Variants in VAV1 observed in about 807,000 individuals in gnomAD.
The protein encoded by VAV1 is vav guanine nucleotide exchange factor 1.
VAV1 carries 33 observed loss-of-function variants against 128.1 expected under a neutral mutation model. The ratio of observed to expected loss-of-function variants is 0.26; its 90% CI spans 0.20 to 0.34. The LOEUF is 0.34. Among genes scored for constraint, VAV1 ranks in the 10% least tolerant of loss-of-function variants. VAV1 has a pLI of 1.00. For missense variants in VAV1, 715 were observed against 1,093.7 expected (o/e 0.65, Z 4.88); for synonymous variants, 394 against 409.8 (o/e 0.96, Z 0.47).
intron 1 of VAV1, among the ~76,000 whole-genome samples, chr19:6,799,678 C>A (rs1447500476): frequency 6.6e-6 from 1 of 151,654 alleles, no homozygotes; most frequent in Non-Finnish European, 1.5e-5. Context: ...GCACTTTTGG[C>A]TATCATGAAT....
intron 2 of VAV1, among the ~76,000 whole-genome samples, 154 bp from the exon 3 acceptor site, chr19:6,821,468 C>T (rs1465030746): frequency 2.0e-5 from 3 of 152,012 alleles, no homozygotes; most frequent in Admixed American, 6.6e-5. Flanking sequence ...TTTGAGAGAA[C>T]GATGGTATGG....
intron 23 of VAV1, among the ~76,000 whole-genome samples, chr19:6,849,675 A>G (rs1972617818): frequency 6.6e-6 from 1 of 152,080 alleles, no homozygotes; most frequent in African/African-American, 2.4e-5. Flanking sequence ...ATAAGTGAGA[A>G]CATGTGGTGT....
chr19:6,800,792 T>TTTTTTTTTTG (rs1555699757), intron 1 of VAV1, among the ~76,000 whole-genome samples: 87 of 147,714 alleles, frequency 5.9e-4, no homozygotes, highest in African/African-American at 2.0e-3. Flanking sequence ...TGGCAAATTT[T>TTTTTTTTTTG]TGTGTGTGTG....
At chr19:6,810,592 C>T (rs1472421866) in intron 1 of VAV1, among the ~76,000 whole-genome samples, 1 of 152,050 alleles carries the variant, frequency 6.6e-6, no homozygotes, top group East Asian at 1.9e-4. Flanking sequence ...GTAATCGCAG[C>T]TACTCAGGAG....
At chr19:6,830,873 A>G (rs1350764164) in intron 14 of VAV1, among the ~76,000 whole-genome samples, 1 of 152,010 alleles carries the variant, frequency 6.6e-6, no homozygotes, top group Non-Finnish European at 1.5e-5. Flanking sequence ...GAATTGCTTG[A>G]GCCCAGGAGT....
chr19:6,838,324 TATC>T (rs1972278813), intron 21 of VAV1, among the ~76,000 whole-genome samples: 1 of 151,794 alleles, frequency 6.6e-6, no homozygotes, highest in South Asian at 2.1e-4. Flanking sequence ...TCTATCTATC[TATC>T]TATCTATATG....
At chr19:6,778,308 A>G (rs1205429150) in intron 1 of VAV1, among the ~76,000 whole-genome samples, 1 of 152,122 alleles carries the variant, frequency 6.6e-6, no homozygotes, top group Non-Finnish European at 1.5e-5. Flanking sequence ...ACTGGAGAGG[A>G]AAGAACAGAT....
At chr19:6,835,108 C>G (rs371395033) in intron 19 of VAV1, among the ~76,000 whole-genome samples, 29 of 151,684 alleles carry the variant, frequency 1.9e-4, no homozygotes, top group African/African-American at 6.8e-4. Flanking sequence ...TTATTACTTA[C>G]TATGTAATTA....
intron 1 of VAV1, among the ~76,000 whole-genome samples, chr19:6,785,504 G>A (rs1311772185): frequency 6.6e-6 from 1 of 151,684 alleles, no homozygotes. Context: ...GCTAATTTCT[G>A]TATTTTTAGT....
At position 6,777,076 on chromosome 19, in the gene VAV1, C is replaced by T. The variant is rs972865013; in HGVS notation, c.204+4065C>T. Among the ~76,000 whole-genome samples, 2 of 151,534 alleles carry T rather than the reference C, an allele frequency of 1.3e-5. No homozygotes were observed. Reference sequence around the variant, plus strand: ...GCCCATCCATTCATCTATCTATCATCCACCTGCCCACCCACCCATCCATCC... The same window carrying T: ...GCCCATCCATTCATCTATCTATCATTCACCTGCCCACCCACCCATCCATCC... On this transcript the variant is annotated intron_variant, in intron 1 of 26. Transcript: ENST00000602142. This position sits in a 1 kb window ranked among gnomAD's most constrained non-coding sequence, Gnocchi z 4.4.
At chr19:6,832,877 A>G (rs763977600) in intron 15 of VAV1, among the ~76,000 whole-genome samples, 9 of 152,190 alleles carry the variant, frequency 5.9e-5, no homozygotes, top group Non-Finnish European at 1.3e-4. Context: ...GCATTGTGCA[A>G]CCATCACCTC....
chr19:6,793,453 T>G (rs150760063), intron 1 of VAV1, among the ~76,000 whole-genome samples: 3 of 152,070 alleles, frequency 2.0e-5, no homozygotes, highest in Non-Finnish European at 4.4e-5. Flanking sequence ...GGGTGATTTG[T>G]TGGGGGAGCT....
intron 1 of VAV1, among the ~76,000 whole-genome samples, chr19:6,805,424 C>CAAACA (rs958891556): frequency 2.0e-5 from 3 of 151,742 alleles, no homozygotes; most frequent in South Asian, 2.1e-4. Context: ...GACTCCATCT[C>CAAACA]AAACAAAACA....
At chr19:6,791,599 C>T (rs1391852141) in intron 1 of VAV1, among the ~76,000 whole-genome samples, 2 of 152,202 alleles carry the variant, frequency 1.3e-5, no homozygotes, top group African/African-American at 2.4e-5. Flanking sequence ...CTTACAAAGT[C>T]GTTTTCTCCA....
At chr19:6,832,033 G>A in intron 14 of VAV1, 58 bp from the exon 15 acceptor site, 1 of 1,510,038 alleles carries the variant, frequency 6.6e-7, no homozygotes, top group Non-Finnish European at 9.2e-7. Context: ...GTGGGTGGGT[G>A]TGTGCTCCCA....
chr19:6,794,670 T>C (rs1971091955), intron 1 of VAV1, among the ~76,000 whole-genome samples: 2 of 152,222 alleles, frequency 1.3e-5, no homozygotes, highest in South Asian at 4.1e-4. Context: ...TACTTTATAC[T>C]TATTAACACT....
intron 1 of VAV1, among the ~76,000 whole-genome samples, chr19:6,790,772 A>G (rs1971000756): frequency 6.6e-6 from 1 of 152,238 alleles, no homozygotes; most frequent in African/African-American, 2.4e-5. Flanking sequence ...CGTTTTAATT[A>G]TATGCAAATC....
At chr19:6,848,392 T>C (rs1390662829) in intron 23 of VAV1, among the ~76,000 whole-genome samples, 1 of 151,362 alleles carries the variant, frequency 6.6e-6, no homozygotes, top group Non-Finnish European at 1.5e-5. Flanking sequence ...CTTTCTTTTT[T>C]CCCCTTTTTT....
chr19:6,809,268 C>T (rs1007589997), intron 1 of VAV1, among the ~76,000 whole-genome samples: 3 of 152,038 alleles, frequency 2.0e-5, no homozygotes, highest in African/African-American at 7.2e-5. Flanking sequence ...GAGACGGGGT[C>T]TTGCTTTGTT....
Sources: allele counts gnomAD v4.1 joint callset (sites outside exome capture counted in the v4.1 genomes callset), GRCh38; gene constraint gnomAD v4.1.1; non-coding constraint Gnocchi (gnomAD v3.1); transcripts MANE v1.5; gene names NCBI Gene and HGNC (gene_info 2026-07-23, HGNC 2026-07-21).